Variants in L3MBTL4 observed in about 807,000 individuals in gnomAD.
L3MBTL4 encodes the protein lethal(3)malignant brain tumor-like protein 4.
A neutral mutation model predicts 84.5 loss-of-function variants in L3MBTL4; 70 were observed. That is an observed-to-expected ratio of 0.83 (90% confidence interval 0.68 to 1.01). L3MBTL4 has a LOEUF of 1.01. Among genes scored for constraint, L3MBTL4 ranks in the 50% least tolerant of loss-of-function variants. L3MBTL4 has a pLI of 0.00. For missense variants in L3MBTL4, 715 were observed against 754.8 expected, an observed-to-expected ratio of 0.95 and a Z score of 0.62; for synonymous variants, 274 against 259.8, an observed-to-expected ratio of 1.05 and a Z score of -0.52.
chr18:6,396,917 C>T (rs900392552), intron 1 of L3MBTL4: 1 of 152,192 alleles, frequency 6.6e-6, no homozygotes, highest in Admixed American at 6.5e-5. Context: ...AAAAGGCTAA[C>T]CAATGAGTTA....
intron 13 of L3MBTL4, among the ~76,000 whole-genome samples, chr18:6,138,835 A>G (rs1253660715): frequency 3.3e-5 from 5 of 152,204 alleles, no homozygotes; most frequent in African/African-American, 1.2e-4. Context: ...TACAGGTGTG[A>G]GAAATTTTTA....
chr18:6,113,826 T>C (rs545183185), intron 14 of L3MBTL4, among the ~76,000 whole-genome samples: 18 of 152,322 alleles, frequency 1.2e-4, no homozygotes, highest in Non-Finnish European at 2.2e-4. Context: ...ACACCAATAA[T>C]GAAACAAGGT....
At chr18:5,995,089 C>T (rs1018945268) in intron 16 of L3MBTL4, among the ~76,000 whole-genome samples, 4 of 152,262 alleles carry the variant, frequency 2.6e-5, no homozygotes, top group Non-Finnish European at 5.9e-5. Context: ...AACAGACACA[C>T]TCATAGCGCC....
intron 1 of L3MBTL4, among the ~76,000 whole-genome samples, chr18:6,371,307 C>T (rs866120571): frequency 6.6e-6 from 1 of 152,162 alleles, no homozygotes; most frequent in Non-Finnish European, 1.5e-5. Context: ...CATCAGAGAA[C>T]TTGGCAGAAC....
intron 5 of L3MBTL4, among the ~76,000 whole-genome samples, chr18:6,251,993 A>G (rs935068126): frequency 1.3e-5 from 2 of 152,212 alleles, no homozygotes; most frequent in African/African-American, 4.8e-5. Context: ...AGACATGACC[A>G]TGGAATACAA....
At chr18:6,274,797 T>A (rs1726854095) in intron 4 of L3MBTL4, among the ~76,000 whole-genome samples, 1 of 151,774 alleles carries the variant, frequency 6.6e-6, no homozygotes. Context: ...TATGACGAGG[T>A]CTCGATTTGA....
chr18:6,396,606 A>C (rs1426161839), intron 1 of L3MBTL4: 1 of 152,280 alleles, frequency 6.6e-6, no homozygotes, highest in East Asian at 1.9e-4. Context: ...TTAGACAGGC[A>C]AAGGCATCAG....
At chr18:6,177,182 T>C (rs2044260738) in intron 12 of L3MBTL4, among the ~76,000 whole-genome samples, 1 of 152,334 alleles carries the variant, frequency 6.6e-6, no homozygotes, top group Admixed American at 6.5e-5. Context: ...CCCCTTGCAG[T>C]TTTATTCATA....
chr18:6,337,712 C>T (rs888116375), intron 1 of L3MBTL4, among the ~76,000 whole-genome samples: 2 of 152,100 alleles, frequency 1.3e-5, no homozygotes, highest in Non-Finnish European at 2.9e-5. Flanking sequence ...ACTCACTAAG[C>T]TGAACACGTA....
At position 6,081,675 on chromosome 18, in the gene L3MBTL4, A is replaced by G. The variant is rs529332852; in HGVS notation, c.1374-724T>C. Among the ~76,000 whole-genome samples the G allele has an allele frequency of 2.4e-4, 36 of 152,234 alleles. No individual in the cohort carries two copies. In the South Asian group the frequency reaches 7.5e-3, roughly 32 times the overall value. Reference sequence around the variant, plus strand: ...ATTTGAACAGCAAGTCTCTCATTTCATTTTCACTAACAAGCCTTTGAGTTG... The same window carrying G: ...ATTTGAACAGCAAGTCTCTCATTTCGTTTTCACTAACAAGCCTTTGAGTTG... On this transcript the variant is annotated intron_variant, in intron 15 of 18. Transcript: ENST00000317931.
At chr18:6,310,848 A>G (rs951206121) in intron 3 of L3MBTL4, among the ~76,000 whole-genome samples, 17 of 152,322 alleles carry the variant, frequency 1.1e-4, no homozygotes, top group African/African-American at 3.8e-4. Flanking sequence ...CTGTGAAGGT[A>G]TGTTTTTAGA....
intron 16 of L3MBTL4, among the ~76,000 whole-genome samples, chr18:6,026,480 T>C (rs547007538): frequency 1.3e-4 from 20 of 152,356 alleles, no homozygotes; most frequent in Non-Finnish European, 2.9e-4. Context: ...GACAATAAGC[T>C]GTGGGAGACA....
chr18:6,239,404 A>T (rs930026218), intron 9 of L3MBTL4, among the ~76,000 whole-genome samples: 16 of 136,316 alleles, frequency 1.2e-4, no homozygotes, highest in Non-Finnish European at 2.1e-4. Flanking sequence ...AAAAAAAAAA[A>T]TGCTGAAAGT....
chr18:5,963,660 A>C (rs2144706046), intron 17 of L3MBTL4, among the ~76,000 whole-genome samples: 1 of 152,406 alleles, frequency 6.6e-6, no homozygotes, highest in South Asian at 2.1e-4. Flanking sequence ...ATTTTAAAAT[A>C]TGCAAAGGCC....
intron 14 of L3MBTL4, among the ~76,000 whole-genome samples, chr18:6,131,216 G>T (rs938600872): frequency 1.3e-5 from 2 of 152,138 alleles, no homozygotes; most frequent in African/African-American, 4.8e-5. Flanking sequence ...ACAACATTCT[G>T]CTTGCAAGCA....
At chr18:6,206,686 C>T (rs1426348407) in intron 12 of L3MBTL4, among the ~76,000 whole-genome samples, 1 of 152,116 alleles carries the variant, frequency 6.6e-6, no homozygotes, top group African/African-American at 2.4e-5. Context: ...CTTTCAGGGG[C>T]TTGGCTACTT....
chr18:6,030,656 AC>A, intron 16 of L3MBTL4: 1 of 920,702 alleles, frequency 1.1e-6, no homozygotes, highest in Non-Finnish European at 1.3e-6. Context: ...CTGCCACCAC[AC>A]CCGGCTAATT....
At chr18:6,123,729 T>C (rs758547123) in intron 14 of L3MBTL4, among the ~76,000 whole-genome samples, 1 of 152,208 alleles carries the variant, frequency 6.6e-6, no homozygotes, top group South Asian at 2.1e-4. Context: ...AATCCAATCA[T>C]CTTGTTTTGC....
chr18:6,325,428 G>A (rs967198908), intron 1 of L3MBTL4, among the ~76,000 whole-genome samples: 10 of 152,010 alleles, frequency 6.6e-5, no homozygotes, highest in Admixed American at 3.3e-4. Context: ...CAAGTGATCC[G>A]CCTGACTCAG....
Sources: gnomAD v4.1 joint callset for allele counts (sites outside exome capture counted in the v4.1 genomes callset) on GRCh38, gnomAD v4.1.1 for gene constraint, MANE v1.5 for transcripts, NCBI Gene and HGNC (gene_info 2026-07-23, HGNC 2026-07-21) for gene names.